Variants in SYNPR observed in about 807,000 individuals in gnomAD.
SYNPR encodes synaptoporin.
In SYNPR, 23 loss-of-function variants were observed where a neutral mutation model predicts 32.9. That is an observed-to-expected ratio of 0.70 (90% CI 0.50 to 0.99). SYNPR has a LOEUF of 0.99. SYNPR is among the 50% of genes least tolerant of loss of function. The pLI is 0.00. For synonymous variants in SYNPR, 146 were observed against 135.9 expected, an observed-to-expected ratio of 1.07 and a Z score of -0.52; for missense variants, 318 against 349.3, an observed-to-expected ratio of 0.91 and a Z score of 0.71.
intron 4 of SYNPR, among the ~76,000 whole-genome samples, chr3:63,600,401 G>A (rs113666455): frequency 3.9e-5 from 6 of 152,304 alleles, no homozygotes; most frequent in African/African-American, 1.2e-4. Context: ...GGCCAGTGGG[G>A]AGCCTCAGCA....
intron 1 of SYNPR, among the ~76,000 whole-genome samples, chr3:63,241,858 T>A (rs1205410867): frequency 6.6e-6 from 1 of 152,096 alleles, no homozygotes; most frequent in African/African-American, 2.4e-5. Context: ...GAATCAATAA[T>A]CTGATGGAAA....
intron 2 of SYNPR, among the ~76,000 whole-genome samples, chr3:63,313,944 CATATATATATATATCCAT>C (rs2087008703): frequency 9.3e-4 from 1 of 1,072 alleles, no homozygotes; most frequent in Non-Finnish European, 2.7e-3. Flanking sequence ...TATATATATC[CATATATATATATATCCAT>C]ATATATATAT....
Position 63,586,654 on chromosome 3 carries a change from A to ATGTGTGTGTGTGTGTGTGTG in SYNPR, c.409-22461_409-22442dup, listed in dbSNP as rs10530383. On this transcript the variant is annotated intron_variant, in intron 4 of 5. Coordinates refer to ENST00000478300, the MANE Select transcript of SYNPR (RefSeq NM_001130003.2). ...TCTTCCCTTTCTTCTTGCAGATTCA[A>ATGTGTGTGTGTGTGTGTGTG]TGTGTGTGTGTGTGTGTGTGTGTGT... Among the ~76,000 whole-genome samples, 196 of 143,656 alleles carry ATGTGTGTGTGTGTGTGTGTG rather than the reference A, an allele frequency of 1.4e-3. 4 individuals are homozygous for ATGTGTGTGTGTGTGTGTGTG. In the East Asian group the frequency reaches 0.037, roughly 27 times the overall value. The allele number at this position is 143,656 out of a possible 152,430, so 94.2% of individuals were successfully genotyped here.
In SYNPR at chr3:63,255,878, G is replaced by A. The variant is rs536688056; in HGVS notation, n.154+3292G>A. Among the ~76,000 whole-genome samples the A allele has an allele frequency of 4.6e-5, 7 of 152,316 alleles. No individual in the cohort carries two copies. The South Asian group carries it at 1.5e-3, about 32-fold the overall frequency. On this transcript the variant is annotated intron_variant and non_coding_transcript_variant, in intron 2 of 4. Transcript: ENST00000478456. Reference sequence around the variant, plus strand: ...ACCGGGTCACTCCCACCCTAATACTGCACTTTTCCAATGGTGTTAGCAAAC... The same window carrying A: ...ACCGGGTCACTCCCACCCTAATACTACACTTTTCCAATGGTGTTAGCAAAC...
chr3:63,447,177 TA>T (rs1348900722), intron 2 of SYNPR, among the ~76,000 whole-genome samples: 1 of 152,200 alleles, frequency 6.6e-6, no homozygotes, highest in Admixed American at 6.5e-5. Flanking sequence ...TTTACTTTAA[TA>T]AAATATATTG....
At chr3:63,382,373 G>C (rs1376112396) in intron 2 of SYNPR, among the ~76,000 whole-genome samples, 1 of 152,226 alleles carries the variant, frequency 6.6e-6, no homozygotes, top group African/African-American at 2.4e-5. Flanking sequence ...CTCCATTACA[G>C]CCTGGTGAAT....
rs190012665 is a variant in SYNPR, at chr3:63,323,721, A to C, written c.84+44979A>C. Among the ~76,000 whole-genome samples the C allele has an allele frequency of 1.8e-4, 28 of 152,228 alleles. No homozygotes were observed. The East Asian group carries it at 5.0e-3, about 27-fold the overall frequency. ...AAAGAAAAGAAAAACAAAAGCAAAA[A>C]TGCAAATAAAATTTAAAATGTACAT... On this transcript the variant is annotated intron_variant, in intron 2 of 5. Transcript: ENST00000478300.
At position 63,586,908 on chromosome 3, in the gene SYNPR, A is replaced by G. The variant is rs1559543753; in HGVS notation, c.409-22217A>G. Among the ~76,000 whole-genome samples, 3 of 152,110 alleles carry G rather than the reference A, an allele frequency of 2.0e-5. No homozygotes were observed. The East Asian group carries it at 5.8e-4, about 30-fold the overall frequency. On this transcript the variant is annotated intron_variant, in intron 4 of 5. Transcript: ENST00000478300. The stretch of plus-strand genomic sequence containing the variant: ...GCCCTGCATGTCTTTACACTGTCAC[A>G]CAAGTTCTTTTCCAATCACGTATTG...
upstream of SYNPR, among the ~76,000 whole-genome samples, chr3:63,224,595 T>C (rs1387282007): frequency 1.3e-5 from 2 of 152,238 alleles, no homozygotes; most frequent in Non-Finnish European, 2.9e-5. Flanking sequence ...GAAAGTTTAA[T>C]AAACTTCAGT....
Position 63,459,674 on chromosome 3 carries a change from T to C in SYNPR, c.85-21158T>C, listed in dbSNP as rs182352203. 1.6e-3 allele frequency among the ~76,000 whole-genome samples: 251 copies of C among 152,246 alleles called. 1 individual carries two copies. Among genetic ancestry groups the C allele is most frequent in the African/African-American group, 5.9e-3 (245 of 41,564 alleles). On this transcript the variant is annotated intron_variant, in intron 2 of 5. Coordinates refer to ENST00000478300, the MANE Select transcript of SYNPR (RefSeq NM_001130003.2). ...CATTTAATCATCCCCTTTGTGAAGA[T>C]GATTTTTCCTATCATTTTAAGAAGC...
At chr3:63,485,765 T>C (rs773792908) in intron 3 of SYNPR, among the ~76,000 whole-genome samples, 1 of 152,156 alleles carries the variant, frequency 6.6e-6, no homozygotes, top group Non-Finnish European at 1.5e-5. Context: ...CGACCTTGGT[T>C]GAACAAATAA....
chr3:63,361,322 T>G (rs1344633543), intron 2 of SYNPR, among the ~76,000 whole-genome samples: 1 of 152,022 alleles, frequency 6.6e-6, no homozygotes, highest in African/African-American at 2.4e-5. Context: ...GCTCGGTGGC[T>G]CACGCCTGTA....
intron 4 of SYNPR, among the ~76,000 whole-genome samples, chr3:63,566,004 G>C (rs1702783337): frequency 6.6e-6 from 1 of 152,038 alleles, no homozygotes; most frequent in South Asian, 2.1e-4. Flanking sequence ...TTTCCTCTAA[G>C]CTCTGCTTTC....
chr3:63,244,456 G>C (rs946480644), intron 1 of SYNPR, among the ~76,000 whole-genome samples: 1 of 152,080 alleles, frequency 6.6e-6, no homozygotes, highest in Non-Finnish European at 1.5e-5. Context: ...TGTGAATTGA[G>C]TAGAGATGCT....
intron 2 of SYNPR, among the ~76,000 whole-genome samples, chr3:63,478,889 G>A (rs896431013): frequency 2.0e-5 from 3 of 152,138 alleles, no homozygotes; most frequent in African/African-American, 7.2e-5. Flanking sequence ...GTTGGCTGAT[G>A]AAAACTAGAA....
intron 3 of SYNPR, among the ~76,000 whole-genome samples, chr3:63,554,814 T>C (rs866744746): frequency 2.4e-4 from 37 of 152,318 alleles, no homozygotes; most frequent in African/African-American, 8.9e-4. Context: ...AATAGGGCTA[T>C]TTTAGTGATA....
At position 63,399,236 on chromosome 3, in the gene SYNPR, G is replaced by A. The variant is rs2088257865; in HGVS notation, c.85-81596G>A. 2.0e-5 allele frequency among the ~76,000 whole-genome samples: 3 copies of A among 152,152 alleles called. No homozygotes were observed. The South Asian group carries it at 6.2e-4, about 32-fold the overall frequency. On this transcript the variant is annotated intron_variant, in intron 2 of 5. Transcript: ENST00000478300. The stretch of plus-strand genomic sequence containing the variant: ...TCCCAGTGCCTGCTGCATTGAGGGT[G>A]TCTTAGTCCCTTCTGGCTGCTACAA...
chr3:63,451,408 A>G (rs938368427), intron 2 of SYNPR, among the ~76,000 whole-genome samples: 1 of 152,166 alleles, frequency 6.6e-6, no homozygotes, highest in East Asian at 1.9e-4. Context: ...TTTATGCCTT[A>G]TTATAAATTG....
At chr3:63,383,532 C>T (rs2088000722) in intron 2 of SYNPR, among the ~76,000 whole-genome samples, 1 of 152,096 alleles carries the variant, frequency 6.6e-6, no homozygotes, top group Admixed American at 6.5e-5. Flanking sequence ...ACCTGGGCAA[C>T]ACAGTGAAAC....
Sources: gnomAD v4.1 joint callset for allele counts (sites outside exome capture counted in the v4.1 genomes callset) on GRCh38, gnomAD v4.1.1 for gene constraint, MANE v1.5 for transcripts, NCBI Gene and HGNC (gene_info 2026-07-23, HGNC 2026-07-21) for gene names.